Variants in TMIGD3 observed in about 807,000 individuals in gnomAD.
TMIGD3 encodes AD026 protein (AD026).
TMIGD3 carries 21 observed loss-of-function variants against 28.1 expected under a neutral mutation model. That is an observed-to-expected ratio of 0.75 (90% confidence interval 0.53 to 1.08). The LOEUF (loss-of-function observed/expected upper bound fraction) is 1.08, where lower values mean the gene tolerates loss of function less well. Among genes scored for constraint, TMIGD3 ranks in the 50% least tolerant of loss-of-function variants. The probability of loss-of-function intolerance (pLI) is 0.00; values close to 1 mark genes in which losing one functional copy is unlikely to be tolerated. For missense variants in TMIGD3, 416 were observed against 435.6 expected, an observed-to-expected ratio of 0.96 and a Z score of 0.40; for synonymous variants, 151 against 162.1, an observed-to-expected ratio of 0.93 and a Z score of 0.52.
At chr1:111,521,789 GTA>G (rs1193395004) in intron 1 of TMIGD3, among the ~76,000 whole-genome samples, 1 of 152,074 alleles carries the variant, frequency 6.6e-6, no homozygotes, top group Non-Finnish European at 1.5e-5. Context: ...ATTTTTGCTC[GTA>G]TATTTTGTGC....
At chr1:111,522,306 T>C (rs575900820) in intron 1 of TMIGD3, among the ~76,000 whole-genome samples, 1 of 152,352 alleles carries the variant, frequency 6.6e-6, no homozygotes, top group Non-Finnish European at 1.5e-5. Flanking sequence ...AAAAGTCTTC[T>C]AGGAATTTGA....
chr1:111,492,674 C>T (rs1376395800), intron 1 of TMIGD3, among the ~76,000 whole-genome samples: 1 of 151,892 alleles, frequency 6.6e-6, no homozygotes, highest in Admixed American at 6.6e-5. Context: ...ATTAGCCAGG[C>T]GTGGTGGTGC....
intron 1 of TMIGD3, among the ~76,000 whole-genome samples, chr1:111,514,411 G>A (rs745984380): frequency 1.5e-4 from 23 of 152,178 alleles, no homozygotes; most frequent in African/African-American, 4.8e-4. Context: ...TTAGTTGGGC[G>A]TGGTGTAAAA....
chr1:111,555,446 GTAATAATTAAA>G (rs1234449786), intron 1 of TMIGD3, among the ~76,000 whole-genome samples: 1 of 143,590 alleles, frequency 7.0e-6, no homozygotes, highest in Non-Finnish European at 1.5e-5. Flanking sequence ...AATTTTTAAT[GTAATAATTAAA>G]TTTGAAACTC....
At position 111,544,167 on chromosome 1, in the gene TMIGD3, G is replaced by A. The variant is rs146149608; in HGVS notation, c.107+19679C>T. Among the ~76,000 whole-genome samples the A allele has an allele frequency of 3.5e-3, 526 of 152,156 alleles. 1 individual carries two copies. Among genetic ancestry groups the A allele is most frequent in the African/African-American group, 0.012 (501 of 41,502 alleles). Reference sequence around the variant, plus strand: ...ATGCAATATTATTCTCTAAATTTACGCAGGCATAAAATCTAAAGTGGAGTC... The same window carrying A: ...ATGCAATATTATTCTCTAAATTTACACAGGCATAAAATCTAAAGTGGAGTC... On this transcript the variant is annotated intron_variant, in intron 1 of 5. Transcript: ENST00000369717.
At chr1:111,521,740 G>A (rs1656066602) in intron 1 of TMIGD3, among the ~76,000 whole-genome samples, 1 of 152,084 alleles carries the variant, frequency 6.6e-6, no homozygotes, top group Non-Finnish European at 1.5e-5. Flanking sequence ...ATTCTTAAGA[G>A]TGCCTTATGA....
chr1:111,551,351 G>C (rs1455794422), intron 1 of TMIGD3, among the ~76,000 whole-genome samples: 1 of 152,080 alleles, frequency 6.6e-6, no homozygotes, highest in East Asian at 1.9e-4. Flanking sequence ...GTGTTAAATA[G>C]ACACTTTTCT....
intron 2 of TMIGD3, 102 bp downstream of exon 2, chr1:111,490,554 C>A: frequency 1.2e-6 from 1 of 811,506 alleles, no homozygotes; most frequent in East Asian, 2.5e-5. Flanking sequence ...TTAGATGGTT[C>A]GAGTTAATAA....
chr1:111,539,350 T>C (rs1277928210), intron 1 of TMIGD3, among the ~76,000 whole-genome samples: 6 of 152,126 alleles, frequency 3.9e-5, no homozygotes, highest in Admixed American at 1.3e-4. Flanking sequence ...CAGGCTGGAG[T>C]GCAGTGGTGT....
chr1:111,500,800 T>C, intron 1 of TMIGD3: 1 of 549,768 alleles, frequency 1.8e-6, no homozygotes, highest in South Asian at 3.0e-5. Context: ...CTGGGGACTT[T>C]TCTAAAGAAG....
intron 1 of TMIGD3, among the ~76,000 whole-genome samples, chr1:111,522,367 A>G (rs1430792223): frequency 6.6e-6 from 1 of 152,246 alleles, no homozygotes. Context: ...TGCCAATTCA[A>G]CAACACATAA....
At chr1:111,487,558 T>C (rs1654444902) in intron 3 of TMIGD3, among the ~76,000 whole-genome samples, 1 of 151,644 alleles carries the variant, frequency 6.6e-6, no homozygotes, top group African/African-American at 2.4e-5. Context: ...AAGTCCTCTG[T>C]CTGAGAGACA....
chr1:111,486,632 T>C lies in TMIGD3; in HGVS notation c.826A>G (p.Arg276Gly), dbSNP rs370821315. The C allele has an allele frequency of 1.2e-6, 2 of 1,613,764 alleles. No individual in the cohort carries two copies. Among genetic ancestry groups the C allele is most frequent in the African/African-American group, 1.3e-5 (1 of 74,872 alleles). The change falls in exon 4 of 6, where the codon AGA (arginine) becomes GGA (glycine). Residue 276 changes from arginine (R) to glycine (G), a missense_variant. By Grantham distance (125) the Arg-to-Gly change is moderately radical. Coordinates refer to ENST00000369716, the MANE Select transcript of TMIGD3 (RefSeq NM_020683.7). The part of the protein sequence containing the change: ...SGKDLSGNKT[R>G]SCKAPKVVRK... ...ACAACTTTGGGAGCCTTGCAGCTTC[T>C]GGTTTTGTTGCCTGATAGGTCTGAA...
At chr1:111,503,732 C>A (rs372887047), upstream of TMIGD3, 17 of 1,040,050 alleles carry the variant, frequency 1.6e-5, no homozygotes, top group African/African-American at 2.8e-4. Flanking sequence ...AGATAAGCAA[C>A]CCTCTTCAGG....
intron 1 of TMIGD3, chr1:111,499,795 T>C (rs1322792979): frequency 1.4e-6 from 2 of 1,461,668 alleles, no homozygotes; most frequent in South Asian, 1.5e-5. Context: ...AGTAGTGGAG[T>C]GGGGGAGATA....
In TMIGD3 at chr1:111,503,074, G is replaced by T; in HGVS notation, c.281C>A (p.Thr94Asn). Residue 94 changes from threonine to asparagine, a missense_variant, in exon 1 of 6, where the codon ACC (threonine) becomes AAC (asparagine). Thr to Asn is a moderately conservative substitution (Grantham distance 65, BLOSUM62 0). Transcript: ENST00000369716. ...CAGCAAGGACATGATGGAGGCGTGG[G>T]TAAAGATAAGCAGTAGGCAAGTCAT... ...LFMTCLLLIF[T>N]HASIMSLLAI... 1 of 1,614,208 alleles carries T rather than the reference G, an allele frequency of 6.2e-7. No individual in the cohort carries two copies. Among genetic ancestry groups the T allele is most frequent in the Non-Finnish European group, 8.5e-7 (1 of 1,180,026 alleles).
At chr1:111,499,865 C>T in intron 1 of TMIGD3, 1 of 1,549,018 alleles carries the variant, frequency 6.5e-7, no homozygotes, top group Non-Finnish European at 8.7e-7. Context: ...ATGTAAAAAT[C>T]CCTTGGCCCA....
intron 1 of TMIGD3, among the ~76,000 whole-genome samples, chr1:111,533,920 C>T (rs557578765): frequency 6.6e-6 from 1 of 152,232 alleles, no homozygotes; most frequent in Admixed American, 6.5e-5. Flanking sequence ...TTCTGACTTG[C>T]CCATTTACTA....
chr1:111,505,752 G>A (rs146153648), upstream of TMIGD3, among the ~76,000 whole-genome samples: 655 of 152,174 alleles, frequency 4.3e-3, 7 homozygotes, highest in African/African-American at 0.015. Flanking sequence ...CCTCCTACTC[G>A]GTGCCTCAGG....
Sources: allele counts gnomAD v4.1 joint callset (sites outside exome capture counted in the v4.1 genomes callset), GRCh38; gene constraint gnomAD v4.1.1; transcripts MANE v1.5; gene names NCBI Gene and HGNC (gene_info 2026-07-23, HGNC 2026-07-21).